LRBA: variants seen among roughly 807,000 people sequenced by gnomAD.
The protein encoded by LRBA is LPS responsive beige-like anchor protein, also known as lipopolysaccharide-responsive and beige-like anchor protein.
Under a neutral mutation model 330.0 loss-of-function variants are expected in LRBA, and 176 were observed. The ratio of observed to expected loss-of-function variants is 0.53; its 90% CI spans 0.47 to 0.60. The LOEUF (loss-of-function observed/expected upper bound fraction) is 0.60, where lower values mean the gene tolerates loss of function less well. LRBA is among the 20% of genes least tolerant of loss of function. LRBA has a pLI of 0.00. For missense variants in LRBA, 3,259 were observed against 3,444.8 expected (o/e 0.95, Z 1.35); for synonymous variants, 1,230 against 1,193.0 (o/e 1.03, Z -0.64).
intron 31 of LRBA, among the ~76,000 whole-genome samples, chr4:150,808,709 G>A (rs140959889): frequency 2.0e-5 from 3 of 152,248 alleles, no homozygotes; most frequent in Non-Finnish European, 4.4e-5. Context: ...TCAACAGAAA[G>A]TTACAAGTAA....
rs372861654 is a variant in LRBA, at chr4:150,631,249, T to C, written c.5922-32118A>G. Among the ~76,000 whole-genome samples the C allele has an allele frequency of 1.5e-4, 23 of 152,086 alleles. 1 individual carries two copies. The South Asian group carries it at 4.6e-3, about 30-fold the overall frequency. On this transcript the variant is annotated intron_variant, in intron 37 of 56. Transcript: ENST00000651943. ...TCTTATAAGGTAATTTAACAAGATA[T>C]ATGGACTTAGTAAAGGGATCTCTAA...
At chr4:150,839,783 T>C (rs933299705) in intron 28 of LRBA, among the ~76,000 whole-genome samples, 12 of 151,782 alleles carry the variant, frequency 7.9e-5, no homozygotes, top group African/African-American at 2.9e-4. Context: ...ATATACCTAA[T>C]GTAAATGACA....
chr4:150,292,356 C>T (rs982362356), intron 53 of LRBA, among the ~76,000 whole-genome samples: 5 of 152,242 alleles, frequency 3.3e-5, no homozygotes, highest in South Asian at 4.2e-4. Context: ...GGTGTTTTGG[C>T]GTCATCTCCT....
chr4:150,907,020 T>A (rs1731404431), intron 11 of LRBA, among the ~76,000 whole-genome samples: 1 of 151,144 alleles, frequency 6.6e-6, no homozygotes, highest in Non-Finnish European at 1.5e-5. Flanking sequence ...CGAACACTTT[T>A]AAAACTGAAT....
At chr4:150,873,852 T>C (rs1256614559) in intron 17 of LRBA, among the ~76,000 whole-genome samples, 1 of 152,034 alleles carries the variant, frequency 6.6e-6, no homozygotes, top group Admixed American at 6.6e-5. Context: ...TAGTGATCAA[T>C]AGAAAAGCAG....
At chr4:150,609,730 C>A (rs1396635118) in intron 37 of LRBA, among the ~76,000 whole-genome samples, 1 of 151,810 alleles carries the variant, frequency 6.6e-6, no homozygotes, top group Non-Finnish European at 1.5e-5. Context: ...AAAATTTTGA[C>A]GATGAAAGGA....
chr4:150,696,718 G>C (rs1284632912), intron 36 of LRBA, among the ~76,000 whole-genome samples: 1 of 151,988 alleles, frequency 6.6e-6, no homozygotes, highest in Non-Finnish European at 1.5e-5. Flanking sequence ...TTAGGAATCA[G>C]GGAGAGGCTG....
intron 47 of LRBA, among the ~76,000 whole-genome samples, chr4:150,369,947 A>G (rs955874392): frequency 1.3e-5 from 2 of 152,104 alleles, no homozygotes; most frequent in African/African-American, 4.8e-5. Flanking sequence ...GATCTTTTTG[A>G]CAGCCTTGTA....
At chr4:150,672,773 G>T (rs113069332) in intron 37 of LRBA, among the ~76,000 whole-genome samples, 1 of 152,124 alleles carries the variant, frequency 6.6e-6, no homozygotes, top group East Asian at 1.9e-4. Context: ...TCTAAGCTAC[G>T]TGAGGACAGT....
At chr4:150,351,964 C>T (rs1164681306) in intron 47 of LRBA, among the ~76,000 whole-genome samples, 1 of 152,216 alleles carries the variant, frequency 6.6e-6, no homozygotes, top group East Asian at 1.9e-4. Context: ...GTCTCTGTCT[C>T]TATCTCAAAG....
At chr4:150,772,111 C>T (rs1736660205) in intron 34 of LRBA, among the ~76,000 whole-genome samples, 1 of 152,176 alleles carries the variant, frequency 6.6e-6, no homozygotes, top group Admixed American at 6.5e-5. Context: ...TTAATAATCA[C>T]ATTTATCCTT....
At chr4:150,902,379 AT>A (rs1410223458) in intron 13 of LRBA, among the ~76,000 whole-genome samples, 3 of 152,080 alleles carry the variant, frequency 2.0e-5, no homozygotes, top group Admixed American at 1.3e-4. Context: ...TTTTTTTTTA[AT>A]ACTGATGCCT....
intron 56 of LRBA, among the ~76,000 whole-genome samples, chr4:150,271,514 C>T (rs1358306159): frequency 4.1e-5 from 5 of 120,646 alleles, no homozygotes; most frequent in Non-Finnish European, 8.4e-5. Flanking sequence ...ACCTGGGACA[C>T]TCAAGCTTGG....
At chr4:150,473,253 G>A (rs1756353425) in intron 42 of LRBA, among the ~76,000 whole-genome samples, 1 of 152,150 alleles carries the variant, frequency 6.6e-6, no homozygotes, top group African/African-American at 2.4e-5. Context: ...CTTCTTCGGT[G>A]AAATGACTAA....
At chr4:150,612,026 C>T (rs1047740390) in intron 37 of LRBA, among the ~76,000 whole-genome samples, 1 of 152,142 alleles carries the variant, frequency 6.6e-6, no homozygotes, top group Non-Finnish European at 1.5e-5. Flanking sequence ...CCTCAGCCTC[C>T]TGAGTAGCTG....
intron 11 of LRBA, among the ~76,000 whole-genome samples, chr4:150,907,856 T>C (rs1294099439): frequency 6.6e-6 from 1 of 152,088 alleles, no homozygotes; most frequent in Non-Finnish European, 1.5e-5. Context: ...CTAATTTTTT[T>C]CAAAAAGACT....
chr4:150,843,056 C>T (rs1749335475), intron 28 of LRBA, among the ~76,000 whole-genome samples: 1 of 152,066 alleles, frequency 6.6e-6, no homozygotes, highest in Non-Finnish European at 1.5e-5. Context: ...AATGCTCCTG[C>T]CCATCTGACC....
intron 36 of LRBA, among the ~76,000 whole-genome samples, chr4:150,702,627 A>G (rs927364930): frequency 6.6e-6 from 1 of 152,194 alleles, no homozygotes; most frequent in Non-Finnish European, 1.5e-5. Context: ...AATTAGTGGC[A>G]GAACAATGCC....
intron 17 of LRBA, among the ~76,000 whole-genome samples, chr4:150,891,308 T>A (rs1729435556): frequency 6.6e-6 from 1 of 152,174 alleles, no homozygotes; most frequent in Admixed American, 6.5e-5. Flanking sequence ...TGAGGGAAAA[T>A]AAAGAGTACT....
Sources: gnomAD v4.1 joint callset for allele counts (sites outside exome capture counted in the v4.1 genomes callset) on GRCh38, gnomAD v4.1.1 for gene constraint, MANE v1.5 for transcripts, NCBI Gene and HGNC (gene_info 2026-07-23, HGNC 2026-07-21) for gene names.